NXPH2: variants seen among roughly 807,000 people sequenced by gnomAD.
NXPH2 encodes the protein neurexophilin 2.
In NXPH2, 5 loss-of-function variants were observed where a neutral mutation model predicts 19.8. The observed-to-expected ratio is 0.25, with a 90% CI of 0.13 to 0.53. The LOEUF is 0.53. Among genes scored for constraint, NXPH2 ranks in the 20% least tolerant of loss-of-function variants. NXPH2 has a pLI of 0.96. For synonymous variants in NXPH2, 154 were observed against 127.4 expected, an observed-to-expected ratio of 1.21 and a Z score of -1.41; for missense variants, 289 against 322.8, an observed-to-expected ratio of 0.90 and a Z score of 0.80.
At chr2:138,694,543 G>A (rs1202666593) in intron 1 of NXPH2, among the ~76,000 whole-genome samples, 1 of 152,130 alleles carries the variant, frequency 6.6e-6, no homozygotes, top group Non-Finnish European at 1.5e-5. Context: ...GAAGCTGGAA[G>A]AGGTGAGGAA....
At chr2:138,691,968 T>G (rs1680753029) in intron 1 of NXPH2, among the ~76,000 whole-genome samples, 1 of 152,212 alleles carries the variant, frequency 6.6e-6, no homozygotes, top group Admixed American at 6.5e-5. Flanking sequence ...TCAAATTTTA[T>G]GGTTAATAAC....
At chr2:138,719,989 C>T (rs543104255) in intron 1 of NXPH2, among the ~76,000 whole-genome samples, 7 of 152,052 alleles carry the variant, frequency 4.6e-5, no homozygotes, top group African/African-American at 1.4e-4. Flanking sequence ...CATGTACCAC[C>T]TCATTATTCT....
At chr2:138,741,414 T>C (rs1422406978) in intron 1 of NXPH2, among the ~76,000 whole-genome samples, 1 of 152,160 alleles carries the variant, frequency 6.6e-6, no homozygotes, top group Non-Finnish European at 1.5e-5. Flanking sequence ...TGACCTTTCT[T>C]TGAAGAGATT....
intron 1 of NXPH2, among the ~76,000 whole-genome samples, chr2:138,704,204 A>C (rs1680974668): frequency 6.6e-6 from 1 of 152,188 alleles, no homozygotes; most frequent in African/African-American, 2.4e-5. Flanking sequence ...TTCCTGACTA[A>C]AATGTGTCCT....
chr2:138,759,371 GC>G (rs1018720968), intron 1 of NXPH2, among the ~76,000 whole-genome samples: 1 of 148,280 alleles, frequency 6.7e-6, no homozygotes, highest in African/African-American at 2.5e-5. Flanking sequence ...ACCAGGCTTT[GC>G]CCATCACTAT....
intron 1 of NXPH2, among the ~76,000 whole-genome samples, chr2:138,707,525 C>A (rs1325938902): frequency 6.6e-6 from 1 of 152,152 alleles, no homozygotes; most frequent in Non-Finnish European, 1.5e-5. Flanking sequence ...AGAGCATTTG[C>A]TTGACATCTG....
intron 1 of NXPH2, among the ~76,000 whole-genome samples, chr2:138,714,383 A>G (rs1247870895): frequency 6.6e-6 from 1 of 152,208 alleles, no homozygotes; most frequent in Non-Finnish European, 1.5e-5. Context: ...TTAATAATGG[A>G]TATATCTTTT....
At chr2:138,729,261 C>T (rs1327047620) in intron 1 of NXPH2, among the ~76,000 whole-genome samples, 1 of 152,174 alleles carries the variant, frequency 6.6e-6, no homozygotes, top group Admixed American at 6.5e-5. Context: ...GGTGGTTTCC[C>T]TCATGCTATT....
At chr2:138,743,059 C>T (rs1681669463) in intron 1 of NXPH2, among the ~76,000 whole-genome samples, 1 of 152,130 alleles carries the variant, frequency 6.6e-6, no homozygotes, top group Admixed American at 6.5e-5. Flanking sequence ...TTGTAGCTCA[C>T]ATTTCAAAGA....
chr2:138,713,164 T>C (rs1182734100), intron 1 of NXPH2, among the ~76,000 whole-genome samples: 1 of 152,172 alleles, frequency 6.6e-6, no homozygotes, highest in Non-Finnish European at 1.5e-5. Context: ...AGGATCTACT[T>C]CCCCACTGCC....
At chr2:138,728,583 T>A (rs1681396964) in intron 1 of NXPH2, among the ~76,000 whole-genome samples, 1 of 152,214 alleles carries the variant, frequency 6.6e-6, no homozygotes. Flanking sequence ...CTTACTGTAG[T>A]GGCATTCAAA....
chr2:138,695,647 A>G (rs1680818619), intron 1 of NXPH2, among the ~76,000 whole-genome samples: 1 of 152,158 alleles, frequency 6.6e-6, no homozygotes, highest in Admixed American at 6.6e-5. Flanking sequence ...TGAGGTTAAA[A>G]TGCAAAAATA....
intron 1 of NXPH2, among the ~76,000 whole-genome samples, chr2:138,756,970 T>C (rs1387153859): frequency 6.6e-6 from 1 of 152,206 alleles, no homozygotes. Flanking sequence ...CACTGTCTTT[T>C]TTATTTTGTG....
Position 138,677,468 on chromosome 2 carries a change from G to C in NXPH2, c.52-5803C>G, listed in dbSNP as rs114214564. On this transcript the variant is annotated intron_variant, in intron 1 of 1. Coordinates refer to ENST00000272641, the MANE Select transcript of NXPH2 (RefSeq NM_007226.3). ...TTAGCTTTTTCTGCGTCTTACAGAA[G>C]AGCTCAAAAAGATTAATAAATGCAG... is the stretch of plus-strand genomic sequence containing the variant. Among the ~76,000 whole-genome samples the C allele has an allele frequency of 6.6e-5, 10 of 152,260 alleles. No homozygotes were observed. In the South Asian group the frequency reaches 1.9e-3, roughly 28 times the overall value.
chr2:138,748,671 T>C (rs1681779446), intron 1 of NXPH2, among the ~76,000 whole-genome samples: 1 of 151,956 alleles, frequency 6.6e-6, no homozygotes, highest in South Asian at 2.1e-4. Context: ...ACTGTATTTA[T>C]TACAGAAAGA....
At chr2:138,769,698 G>A (rs1335530728) in intron 1 of NXPH2, among the ~76,000 whole-genome samples, 2 of 152,124 alleles carry the variant, frequency 1.3e-5, no homozygotes, top group East Asian at 3.9e-4. Flanking sequence ...CTGGCACCAA[G>A]GCAGCTACCA....
chr2:138,763,416 T>C (rs1378647675), intron 1 of NXPH2, among the ~76,000 whole-genome samples: 2 of 152,306 alleles, frequency 1.3e-5, no homozygotes, highest in East Asian at 1.9e-4. Context: ...CATTAAAAAA[T>C]ACTGCATAGC....
Position 138,670,747 on chromosome 2 carries a change from C to A in NXPH2, c.*175G>T, listed in dbSNP as rs1680400751. 4 of 626,858 alleles carry A rather than the reference C, an allele frequency of 6.4e-6. No individual in the cohort carries two copies. Among genetic ancestry groups the A allele is most frequent in the Non-Finnish European group, 1.0e-5 (4 of 394,924 alleles). The allele number at this position is 626,858 out of a possible 1,614,324, so 38.8% of individuals were successfully genotyped here. A position where few individuals can be genotyped will look rare whatever the true frequency, so the allele number is the denominator to read the frequency against. On this transcript the variant is annotated 3_prime_UTR_variant, in exon 2 of 2. Coordinates refer to ENST00000272641, the MANE Select transcript of NXPH2 (RefSeq NM_007226.3). ...TAAAGGTACCTACGATAGAAAGAAACAAATTTCACACTTAAAGATGTCTCT... is the reference window on the plus strand; with the variant it reads ...TAAAGGTACCTACGATAGAAAGAAAAAAATTTCACACTTAAAGATGTCTCT...
intron 1 of NXPH2, among the ~76,000 whole-genome samples, chr2:138,770,793 G>C (rs977766583): frequency 4.0e-5 from 6 of 151,876 alleles, no homozygotes; most frequent in African/African-American, 1.4e-4. Context: ...ATATTAAAAA[G>C]AAACTATAAA....
Sources: allele counts gnomAD v4.1 joint callset (sites outside exome capture counted in the v4.1 genomes callset), GRCh38; gene constraint gnomAD v4.1.1; transcripts MANE v1.5; gene names NCBI Gene and HGNC (gene_info 2026-07-23, HGNC 2026-07-21).